Variants in GPHN observed in about 807,000 individuals in gnomAD.
GPHN encodes gephyrin.
GPHN carries 17 observed loss-of-function variants against 95.5 expected under a neutral mutation model. The observed-to-expected ratio is 0.18, with a 90% CI of 0.12 to 0.27. GPHN has a LOEUF of 0.27. Ranked by LOEUF, GPHN falls within the 10% of genes least tolerant of loss-of-function variation. The pLI, the probability that GPHN is intolerant of heterozygous loss-of-function variation, is 1.00. For synonymous variants in GPHN, 320 were observed against 322.5 expected, an observed-to-expected ratio of 0.99 and a Z score of 0.08; for missense variants, 660 against 978.1, an observed-to-expected ratio of 0.67 and a Z score of 4.34.
At chr14:67,069,819 T>C (rs932683532) in intron 11 of GPHN, among the ~76,000 whole-genome samples, 1 of 152,238 alleles carries the variant, frequency 6.6e-6, no homozygotes, top group Non-Finnish European at 1.5e-5. Context: ...TTAGAAAATT[T>C]AATTAAGCAG....
chr14:67,603,609 T>C, the GPHN span, among the ~76,000 whole-genome samples: 1,246 of 152,318 alleles, frequency 8.2e-3, 15 homozygotes, highest in African/African-American at 0.029. Flanking sequence ...TGCCTTGGCC[T>C]CCTAAAGTGC....
At chr14:67,380,283 T>C in the GPHN span, among the ~76,000 whole-genome samples, 1 of 152,202 alleles carries the variant, frequency 6.6e-6, no homozygotes, top group African/African-American at 2.4e-5. Flanking sequence ...CTTTCTGTCC[T>C]GATGCCCACA....
At chr14:66,774,338 T>C (rs970776935) in intron 2 of GPHN, among the ~76,000 whole-genome samples, 1 of 152,192 alleles carries the variant, frequency 6.6e-6, no homozygotes, top group African/African-American at 2.4e-5. Context: ...TCATTCAGAC[T>C]AATTTCTGTA....
chr14:67,571,841 G>A, the GPHN span: 128 of 1,613,692 alleles, frequency 7.9e-5, no homozygotes, highest in African/African-American at 1.2e-4. Context: ...TCCGAATCTC[G>A]GTCCCCTCCT....
intron 17 of GPHN, among the ~76,000 whole-genome samples, chr14:67,141,027 G>T (rs2080426042): frequency 6.6e-6 from 1 of 151,852 alleles, no homozygotes; most frequent in South Asian, 2.1e-4. Flanking sequence ...TCTACCTTCA[G>T]TTAATACCTG....
intron 8 of GPHN, among the ~76,000 whole-genome samples, chr14:66,964,018 G>A (rs2069146112): frequency 6.6e-6 from 1 of 152,224 alleles, no homozygotes; most frequent in South Asian, 2.1e-4. Flanking sequence ...AAATTTGAAA[G>A]TCCTCATGTT....
intron 10 of GPHN, among the ~76,000 whole-genome samples, chr14:67,045,455 CTCTCTCTGTCTCTGTT>C: frequency 6.6e-6 from 1 of 150,692 alleles, no homozygotes; most frequent in Middle Eastern, 3.5e-3. Context: ...CTGTCTCTGT[CTCTCTCTGTCTCTGTT>C]TCTCTGTCTC....
intron 2 of GPHN, among the ~76,000 whole-genome samples, chr14:66,711,735 C>T (rs944052923): frequency 2.0e-5 from 3 of 150,956 alleles, no homozygotes; most frequent in African/African-American, 4.9e-5. Flanking sequence ...TGCTATCCCT[C>T]CCCCAGCCCC....
At chr14:67,662,391 C>G in the GPHN span, 1 of 1,152,730 alleles carries the variant, frequency 8.7e-7, no homozygotes, top group Non-Finnish European at 1.3e-6. Flanking sequence ...TGGACAGGAA[C>G]AGTTAATTTG....
At chr14:66,554,344 G>T (rs2140209292) in intron 1 of GPHN, among the ~76,000 whole-genome samples, 1 of 152,258 alleles carries the variant, frequency 6.6e-6, no homozygotes, top group East Asian at 1.9e-4. Context: ...TTATATTTTT[G>T]TATTCGTCCA....
chr14:67,498,542 C>T, the GPHN span, among the ~76,000 whole-genome samples: 1 of 152,174 alleles, frequency 6.6e-6, no homozygotes, highest in African/African-American at 2.4e-5. Context: ...GACAGGGCTA[C>T]CATTTCAGAT....
At chr14:67,551,871 G>A in the GPHN span, among the ~76,000 whole-genome samples, 6 of 151,326 alleles carry the variant, frequency 4.0e-5, no homozygotes, top group Admixed American at 6.6e-5. Context: ...GTGAGATTCT[G>A]TCTAAAAAAA....
chr14:67,692,836 G>A, the GPHN span: 1 of 1,025,598 alleles, frequency 9.8e-7, no homozygotes, highest in Non-Finnish European at 1.5e-6. Flanking sequence ...AGGTGTTCTT[G>A]AATTCCAAAA....
the GPHN span, among the ~76,000 whole-genome samples, chr14:67,431,469 G>A: frequency 1.3e-5 from 2 of 148,558 alleles, no homozygotes; most frequent in Non-Finnish European, 3.0e-5. Context: ...TAGGAGAATC[G>A]CTTGAGCCCA....
At chr14:67,506,458 T>C in the GPHN span, among the ~76,000 whole-genome samples, 1 of 152,194 alleles carries the variant, frequency 6.6e-6, no homozygotes, top group African/African-American at 2.4e-5. Context: ...ACATAGCTAT[T>C]AAAATGAAAT....
the GPHN span, chr14:67,395,598 A>G: frequency 1.2e-6 from 2 of 1,612,762 alleles, no homozygotes. Context: ...GGGAAGAGAG[A>G]GCCAGTCAGG....
chr14:67,596,277 C>T, the GPHN span, among the ~76,000 whole-genome samples: 16 of 149,898 alleles, frequency 1.1e-4, no homozygotes, highest in East Asian at 1.8e-3. Flanking sequence ...TACAGGCACC[C>T]GCCACCACGC....
intron 21 of GPHN, among the ~76,000 whole-genome samples, chr14:67,169,842 C>T (rs112631841): frequency 0.051 from 7,745 of 152,242 alleles, 214 homozygotes; most frequent in Middle Eastern, 0.068. Flanking sequence ...TTCGGGAGGC[C>T]GAGGCAGGTG....
intron 1 of GPHN, among the ~76,000 whole-genome samples, chr14:66,542,054 G>T (rs1258998772): frequency 6.6e-6 from 1 of 152,018 alleles, no homozygotes; most frequent in Non-Finnish European, 1.5e-5. Flanking sequence ...TCTATGATTT[G>T]CATTCTCAAC....
Sources: gnomAD v4.1 joint callset for allele counts (sites outside exome capture counted in the v4.1 genomes callset) on GRCh38, gnomAD v4.1.1 for gene constraint, MANE v1.5 for transcripts, NCBI Gene and HGNC (gene_info 2026-07-23, HGNC 2026-07-21) for gene names.